GIT2: variants seen among roughly 807,000 people sequenced by gnomAD.
GIT2 encodes the protein ARF GTPase-activating protein GIT2.
A neutral mutation model predicts 100.3 loss-of-function variants in GIT2; 32 were observed. That is an observed-to-expected ratio of 0.32 (90% CI 0.24 to 0.43). GIT2 has a LOEUF of 0.43. Among genes scored for constraint, GIT2 ranks in the 20% least tolerant of loss-of-function variants. The pLI is 1.00. For missense variants in GIT2, 737 were observed against 975.1 expected, an observed-to-expected ratio of 0.76 and a Z score of 3.25; for synonymous variants, 353 against 364.1, an observed-to-expected ratio of 0.97 and a Z score of 0.35.
chr12:109,946,678 G>A (rs1054017341), intron 15 of GIT2, among the ~76,000 whole-genome samples: 2 of 152,140 alleles, frequency 1.3e-5, no homozygotes, highest in Non-Finnish European at 2.9e-5. Context: ...CCCCACCACG[G>A]TGGGAGGAGC....
chr12:109,977,683 A>T (rs7309323), intron 7 of GIT2, among the ~76,000 whole-genome samples: 8,207 of 152,102 alleles, frequency 0.054, 551 homozygotes, highest in African/African-American at 0.16. Context: ...TTAGCCGGGC[A>T]TGGTGGCAGG....
intron 12 of GIT2, among the ~76,000 whole-genome samples, chr12:109,958,408 A>AT (rs1880153963): frequency 6.6e-6 from 1 of 151,678 alleles, no homozygotes; most frequent in East Asian, 1.9e-4. Flanking sequence ...CGCCCAGCTA[A>AT]TTTTTTTGTA....
intron 2 of GIT2, among the ~76,000 whole-genome samples, chr12:109,990,731 T>C (rs900501770): frequency 4.6e-5 from 7 of 152,132 alleles, no homozygotes; most frequent in African/African-American, 1.7e-4. Flanking sequence ...AAGATAGAAG[T>C]AAAGGTGACA....
At position 109,934,148 on chromosome 12, in the gene GIT2, CAA is replaced by C; in HGVS notation, c.2004-65_2004-64del. 1.1e-6 allele frequency: 1 copy of C among 896,454 alleles called. No homozygotes were observed. Among genetic ancestry groups the C allele is most frequent in the Non-Finnish European group, 1.9e-6 (1 of 526,180 alleles). 55.5% of individuals were successfully genotyped at this position (896,454 alleles called of 1,614,324 possible). A position where few individuals can be genotyped will look rare whatever the true frequency, so the allele number is the denominator to read the frequency against. ...AAATGATTCGGAGGCAAAGAGGACT[CAA>C]GTGCTAGAACAGATTCTGTTTACAT... On this transcript the variant is annotated intron_variant, in intron 18 of 19. Transcript: ENST00000355312. The surrounding 1 kb of genome is among the most constrained non-coding windows in gnomAD (Gnocchi z 4.5).
At chr12:109,942,465 C>G (rs1166766390) in intron 16 of GIT2, among the ~76,000 whole-genome samples, 1 of 152,018 alleles carries the variant, frequency 6.6e-6, no homozygotes. Context: ...TCCCAAGTAG[C>G]TGGGACTACA....
At chr12:109,970,457 C>G (rs1041515012) in intron 7 of GIT2, among the ~76,000 whole-genome samples, 1 of 152,208 alleles carries the variant, frequency 6.6e-6, no homozygotes. Flanking sequence ...CCCACCACTG[C>G]ACTCCAGCCT....
chr12:109,951,600 C>T (rs759378975), intron 13 of GIT2, among the ~76,000 whole-genome samples: 3 of 152,228 alleles, frequency 2.0e-5, no homozygotes, highest in Non-Finnish European at 4.4e-5. Context: ...AAGCCTTTCT[C>T]TCGTTCACTC....
chr12:109,952,435 G>A (rs1878148152), intron 13 of GIT2: 1 of 512,642 alleles, frequency 2.0e-6, no homozygotes, highest in African/African-American at 1.9e-5. Flanking sequence ...TAACCCACCA[G>A]AAGAGTCCTC....
rs1436804295 is a variant in GIT2 at position 109,932,839 on chromosome 12, T to C, written c.*139A>G. 1 of 617,150 alleles carries C rather than the reference T, an allele frequency of 1.6e-6. No individual in the cohort carries two copies. The highest frequency in any genetic ancestry group is 2.9e-6 in the Non-Finnish European group (1 of 346,744). 38.2% of individuals were successfully genotyped at this position (617,150 alleles called of 1,614,324 possible). A position where few individuals can be genotyped will look rare whatever the true frequency, so the allele number is the denominator to read the frequency against. On this transcript the variant is annotated 3_prime_UTR_variant, in exon 20 of 20. Coordinates refer to ENST00000355312, the MANE Select transcript of GIT2 (RefSeq NM_057169.5). Reference sequence around the variant, plus strand: ...AAATTGGTTAGAAAACATGCAAAAATAATACTGAGTTTTCTTTTAAAAAGT... The same window carrying C: ...AAATTGGTTAGAAAACATGCAAAAACAATACTGAGTTTTCTTTTAAAAAGT...
intron 1 of GIT2, 49 bp downstream of exon 1, chr12:109,996,124 G>A (rs753204903): frequency 2.1e-5 from 26 of 1,265,800 alleles, no homozygotes; most frequent in Non-Finnish European, 2.7e-5. Flanking sequence ...CGGGGTAGGG[G>A]TCCGGGCCAG....
chr12:109,941,058 T>C (rs142619161), intron 16 of GIT2, among the ~76,000 whole-genome samples: 354 of 152,196 alleles, frequency 2.3e-3, no homozygotes, highest in Non-Finnish European at 4.1e-3. Context: ...GCTATCCCCA[T>C]ACACTCTTCT....
chr12:109,941,990 A>G (rs745351255), intron 16 of GIT2, among the ~76,000 whole-genome samples: 1 of 151,666 alleles, frequency 6.6e-6, no homozygotes, highest in Non-Finnish European at 1.5e-5. Context: ...ACGCTTGGCT[A>G]ATTTTGTACT....
intron 18 of GIT2, among the ~76,000 whole-genome samples, chr12:109,936,300 T>G (rs1872959682): frequency 6.6e-6 from 1 of 150,756 alleles, no homozygotes; most frequent in Non-Finnish European, 1.5e-5. Context: ...ATATGTGTTG[T>G]TGAATGGATT....
chr12:109,952,429 C>A, intron 13 of GIT2: 1 of 508,100 alleles, frequency 2.0e-6, no homozygotes. Context: ...ACTCTCTAAC[C>A]CACCAGAAGA....
rs775854396 is a variant in GIT2, at chr12:109,932,375, C to T, written c.*603G>A. On this transcript the variant is annotated 3_prime_UTR_variant, in exon 20 of 20. Transcript: ENST00000355312. ...AGCTTGAGATAACAACATTAAATAA[C>T]AGAACATGTAACAGGGTAAAACACT... 6.6e-6 allele frequency: 1 copy of T among 152,494 alleles called. No individual in the cohort carries two copies. Among genetic ancestry groups the T allele is most frequent in the Non-Finnish European group, 1.5e-5 (1 of 68,320 alleles). The allele number at this position is 152,494 out of a possible 1,614,324, so 9.4% of individuals were successfully genotyped here. A position where few individuals can be genotyped will look rare whatever the true frequency, so the allele number is the denominator to read the frequency against.
At chr12:109,938,297 G>A (rs1389088738) in intron 18 of GIT2, 83 bp downstream of exon 18, 3 of 919,462 alleles carry the variant, frequency 3.3e-6, no homozygotes, top group Non-Finnish European at 5.1e-6. Flanking sequence ...GCTGGGAATA[G>A]CTGCCATTAG....
chr12:109,961,431 C>T, intron 10 of GIT2, 56 bp from the exon 11 acceptor site: 1 of 1,141,580 alleles, frequency 8.8e-7, no homozygotes, highest in Non-Finnish European at 1.3e-6. Context: ...GCCACTGCTC[C>T]TGGGAGGCAC....
Position 109,985,472 on chromosome 12 carries a change from T to C in GIT2, c.406-1778A>G, listed in dbSNP as rs1887196721. Among the ~76,000 whole-genome samples the C allele has an allele frequency of 3.3e-5, 5 of 152,174 alleles. No individual in the cohort carries two copies. The South Asian group carries it at 1.0e-3, about 31-fold the overall frequency. ...GGCTCACGCCTGTAATCCCAGCACT[T>C]TGGGAGGCCAAGGCAGGCAGACTGC... On this transcript the variant is annotated intron_variant, in intron 4 of 19. Transcript: ENST00000355312.
In GIT2 at chr12:109,967,324, T is replaced by C. The variant is rs765975780; in HGVS notation, c.764+134A>G. The stretch of plus-strand genomic sequence containing the variant: ...TAGTGGTTTACTTACAGCCGTCTTA[T>C]TTCCAAATGGTATAGCCATAAAAGA... On this transcript the variant is annotated intron_variant, in intron 8 of 19. Transcript: ENST00000355312. 50 of 1,598,318 alleles carry C rather than the reference T, an allele frequency of 3.1e-5. No individual in the cohort carries two copies. In the Admixed American group the frequency reaches 8.1e-4, roughly 26 times the overall value.
Sources: allele counts gnomAD v4.1 joint callset (sites outside exome capture counted in the v4.1 genomes callset), GRCh38; gene constraint gnomAD v4.1.1; non-coding constraint Gnocchi (gnomAD v3.1); transcripts MANE v1.5; gene names NCBI Gene and HGNC (gene_info 2026-07-23, HGNC 2026-07-21).